The following SMPDL3B variants were observed in gnomAD, a reference collection of about 807,000 sequenced individuals.
SMPDL3B encodes the protein acid sphingomyelinase-like phosphodiesterase 3b.
A neutral mutation model predicts 37.9 loss-of-function variants in SMPDL3B; 31 were observed. The ratio of observed to expected loss-of-function variants is 0.82; its 90% CI spans 0.61 to 1.10. The LOEUF is 1.10. Among genes scored for constraint, SMPDL3B ranks in the 50% least tolerant of loss-of-function variants. SMPDL3B has a pLI of 0.00. For synonymous variants in SMPDL3B, 235 were observed against 242.6 expected (o/e 0.97, Z 0.29); for missense variants, 525 against 597.8 (o/e 0.88, Z 1.27).
intron 2 of SMPDL3B, among the ~76,000 whole-genome samples, chr1:27,947,531 T>C (rs925451904): frequency 7.7e-5 from 11 of 143,056 alleles, no homozygotes; most frequent in Admixed American, 7.6e-4. Flanking sequence ...GGCAGGAGAA[T>C]CGCTTGAACC....
chr1:27,952,739 G>A (rs1042695645), intron 3 of SMPDL3B, among the ~76,000 whole-genome samples: 33 of 152,188 alleles, frequency 2.2e-4, no homozygotes, highest in Non-Finnish European at 7.3e-5. Flanking sequence ...CTGGAAGCCT[G>A]GTTTCCAGTT....
chr1:27,936,191 T>A (rs1462164005), intron 1 of SMPDL3B, among the ~76,000 whole-genome samples: 1 of 152,068 alleles, frequency 6.6e-6, no homozygotes. Flanking sequence ...GTGGCTAACA[T>A]CTGTAATCCC....
At chr1:27,937,799 G>GA (rs2090322583) in intron 1 of SMPDL3B, among the ~76,000 whole-genome samples, 1 of 152,200 alleles carries the variant, frequency 6.6e-6, no homozygotes, top group African/African-American at 2.4e-5. Flanking sequence ...ACTGAGGCAG[G>GA]AGGTGGGACT....
At chr1:27,952,583 C>T (rs974983200) in intron 3 of SMPDL3B, among the ~76,000 whole-genome samples, 1 of 152,240 alleles carries the variant, frequency 6.6e-6, no homozygotes, top group South Asian at 2.1e-4. Context: ...GCCTCATTCA[C>T]AGGCCCCTTC....
In SMPDL3B at chr1:27,935,170, A is replaced by G. The variant is rs530450254; in HGVS notation, c.-14A>G. The G allele has an allele frequency of 1.1e-4, 170 of 1,611,512 alleles. No homozygotes were observed. In the South Asian group the frequency reaches 1.7e-3, roughly 17 times the overall value. On this transcript the variant is annotated 5_prime_UTR_variant, in exon 1 of 8. Transcript: ENST00000373894. ...CCTGAGAATCCCACGGCTCTGGGGA[A>G]GTGAGCCCCGAGGATGAGGCTGCTC...
chr1:27,956,298 C>A, intron 7 of SMPDL3B: 2 of 1,503,330 alleles, frequency 1.3e-6, no homozygotes, highest in Non-Finnish European at 8.8e-7. Flanking sequence ...CCCTGGATGA[C>A]TGTCACAGCT....
rs1389068219 is a variant in SMPDL3B, at chr1:27,949,121, T to C, written c.332T>C (p.Ile111Thr). 1 of 1,614,146 alleles carries C rather than the reference T, an allele frequency of 6.2e-7. No homozygotes were observed. The highest frequency in any genetic ancestry group is 1.3e-5 in the African/African-American group (1 of 75,034). The change falls in exon 3 of 8, where the codon ATT becomes ACT. Residue 111 changes from isoleucine (I) to threonine (T), a missense_variant. Physicochemically the swap from Ile to Thr is moderately conservative, Grantham distance 89. Coordinates refer to ENST00000373894, the MANE Select transcript of SMPDL3B (RefSeq NM_014474.4). ...EKLGEAAVLE[I>T]VERLTKLIRE... ...CTGGGAGAGGCAGCTGTACTGGAAA[T>C]TGTGGAACGCCTGACCAAGCTCATC...
chr1:27,953,319 C>A lies in SMPDL3B; in HGVS notation c.478C>A (p.Pro160Thr). The change falls in exon 4 of 8, where the codon CCC becomes ACC. Residue 160 changes from proline (P) to threonine (T), a missense_variant. By Grantham distance (38) the Pro-to-Thr change is conservative. Coordinates refer to ENST00000373894, the MANE Select transcript of SMPDL3B (RefSeq NM_014474.4). Reference sequence around the variant, plus strand: ...CAATCAGATAGCAGAACTATGGAAACCCTGGCTTAGTAATGAGTCCATCGC... The same window carrying A: ...CAATCAGATAGCAGAACTATGGAAAACCTGGCTTAGTAATGAGTCCATCGC... Reference protein sequence around the residue: ...IYNQIAELWKPWLSNESIALF... With the variant: ...IYNQIAELWKTWLSNESIALF... The A allele has an allele frequency of 6.2e-7, 1 of 1,613,976 alleles. No homozygotes were observed. Among genetic ancestry groups the A allele is most frequent in the Non-Finnish European group, 8.5e-7 (1 of 1,179,910 alleles).
rs756141288 is a variant in SMPDL3B, at chr1:27,955,864, G to A, written c.871G>A (p.Gly291Ser). The A allele has an allele frequency of 6.2e-7, 1 of 1,612,780 alleles. No individual in the cohort carries two copies. Among genetic ancestry groups the A allele is most frequent in the East Asian group, 2.2e-5 (1 of 44,848 alleles). Residue 291 changes from glycine to serine, a missense_variant and splice_region_variant, in exon 6 of 8, where the codon GGT (glycine) becomes AGT (serine). Coordinates refer to ENST00000373894, the MANE Select transcript of SMPDL3B (RefSeq NM_014474.4). ...CTTTCGGATGCTCTATGATGATGCA[G>A]GTATTCAACCTGGAGGGCAACTGCC... ...DSFRMLYDDA[G>S]VPISAMFITP...
intron 3 of SMPDL3B, among the ~76,000 whole-genome samples, chr1:27,950,490 G>A (rs1443784994): frequency 6.6e-6 from 1 of 152,166 alleles, no homozygotes; most frequent in Non-Finnish European, 1.5e-5. Context: ...AGGTCTTGCT[G>A]TCACCCAGGC....
intron 1 of SMPDL3B, among the ~76,000 whole-genome samples, chr1:27,942,023 A>T (rs533337677): frequency 5.9e-5 from 9 of 151,564 alleles, no homozygotes; most frequent in Non-Finnish European, 1.2e-4. Context: ...ACACACGCAC[A>T]CACACATAAA....
At chr1:27,941,818 G>A (rs934972808) in intron 1 of SMPDL3B, among the ~76,000 whole-genome samples, 8 of 152,168 alleles carry the variant, frequency 5.3e-5, no homozygotes, top group African/African-American at 1.9e-4. Context: ...TGAGGGTGGT[G>A]GGTTGGGCTG....
At chr1:27,946,127 T>C (rs2148676299) in intron 2 of SMPDL3B, among the ~76,000 whole-genome samples, 2 of 152,154 alleles carry the variant, frequency 1.3e-5, no homozygotes, top group Admixed American at 1.3e-4. Context: ...GCCGAGGCAG[T>C]GGATCACCTG....
intron 1 of SMPDL3B, among the ~76,000 whole-genome samples, chr1:27,941,916 G>A (rs1434671804): frequency 1.3e-5 from 2 of 152,072 alleles, no homozygotes; most frequent in Non-Finnish European, 2.9e-5. Context: ...CCCCAAGGAG[G>A]TGGAGCTGCC....
At chr1:27,935,495 A>G (rs1224340030) in intron 1 of SMPDL3B, among the ~76,000 whole-genome samples, 1 of 152,134 alleles carries the variant, frequency 6.6e-6, no homozygotes, top group Non-Finnish European at 1.5e-5. Context: ...AGAGCTAGCT[A>G]ATTAGTAGAG....
chr1:27,951,644 T>A (rs1433832236), intron 3 of SMPDL3B, among the ~76,000 whole-genome samples: 2 of 152,164 alleles, frequency 1.3e-5, no homozygotes, highest in Non-Finnish European at 2.9e-5. Context: ...GTCAGGAGTT[T>A]GAGACTGGCC....
chr1:27,957,058 C>T (rs573271598), intron 7 of SMPDL3B, among the ~76,000 whole-genome samples: 189 of 152,062 alleles, frequency 1.2e-3, no homozygotes, highest in Admixed American at 3.3e-3. Flanking sequence ...AGGGGAGGTC[C>T]GATCTTGCAG....
At chr1:27,953,900 T>C (rs2090476076) in intron 4 of SMPDL3B, among the ~76,000 whole-genome samples, 1 of 152,168 alleles carries the variant, frequency 6.6e-6, no homozygotes, top group African/African-American at 2.4e-5. Flanking sequence ...CAGCCCAAGG[T>C]GACTTTGACC....
In SMPDL3B at chr1:27,945,456, T is replaced by C. The variant is rs370892810; in HGVS notation, c.275+11T>C. ...CATTCTCTGGACTGGGTGAGTACAG[T>C]TGAGGTGGCAGCTACCCTTTGCCAG... On this transcript the variant is annotated intron_variant, in intron 2 of 7. Transcript: ENST00000373894. The surrounding 1 kb of genome is among the most constrained non-coding windows in gnomAD (Gnocchi z 4.0). 91 of 1,609,254 alleles carry C rather than the reference T, an allele frequency of 5.7e-5. No individual in the cohort carries two copies. In the Middle Eastern group the frequency reaches 1.2e-3, roughly 20 times the overall value.
Sources: allele counts gnomAD v4.1 joint callset (sites outside exome capture counted in the v4.1 genomes callset), GRCh38; gene constraint gnomAD v4.1.1; non-coding constraint Gnocchi (gnomAD v3.1); transcripts MANE v1.5; gene names NCBI Gene and HGNC (gene_info 2026-07-23, HGNC 2026-07-21).